The following DPY30 variants were observed in gnomAD, a reference collection of about 807,000 sequenced individuals.
DPY30 encodes the protein dpy-30 histone methyltransferase complex regulatory subunit, also known as protein dpy-30 homolog.
DPY30 carries 6 observed loss-of-function variants against 16.2 expected under a neutral mutation model. That is an observed-to-expected ratio of 0.37 (90% CI 0.20 to 0.73). The LOEUF (loss-of-function observed/expected upper bound fraction) is 0.73, where lower values mean the gene tolerates loss of function less well. DPY30 is among the 30% of genes least tolerant of loss of function. The pLI, the probability that DPY30 is intolerant of heterozygous loss-of-function variation, is 0.51. For synonymous variants in DPY30, 39 were observed against 38.8 expected, an observed-to-expected ratio of 1.00 and a Z score of -0.02; for missense variants, 73 against 113.1, an observed-to-expected ratio of 0.65 and a Z score of 1.61.
intron 4 of DPY30, 98 bp from the exon 5 acceptor site, chr2:32,024,354 A>G (rs1455620580): frequency 1.0e-5 from 9 of 890,822 alleles, no homozygotes; most frequent in Non-Finnish European, 1.5e-5. Context: ...TTTTAAGTTT[A>G]ATTTTCATTT....
downstream of DPY30, among the ~76,000 whole-genome samples, chr2:32,021,895 G>C (rs1355498025): frequency 6.6e-6 from 1 of 152,030 alleles, no homozygotes; most frequent in Non-Finnish European, 1.5e-5. Context: ...ACCACTGCTA[G>C]AAGATTATTG....
chr2:32,016,597 AGGTAGAT>A (rs1172792723), intron 5 of DPY30, among the ~76,000 whole-genome samples: 1 of 152,292 alleles, frequency 6.6e-6, no homozygotes, highest in African/African-American at 2.4e-5. Flanking sequence ...CATCAGAACT[AGGTAGAT>A]TGATCTCCTT....
At chr2:32,012,565 G>C (rs1190622653) in intron 5 of DPY30, among the ~76,000 whole-genome samples, 2 of 151,260 alleles carry the variant, frequency 1.3e-5, no homozygotes, top group African/African-American at 4.9e-5. Flanking sequence ...AGAGTAGCTG[G>C]GATCATGGGT....
chr2:32,038,410 G>GC (rs1675833308), intron 3 of DPY30, among the ~76,000 whole-genome samples: 1 of 26,216 alleles, frequency 3.8e-5, no homozygotes, highest in Admixed American at 3.5e-4. Context: ...CTTATTTTGA[G>GC]GGGGGGGGGG....
intron 3 of DPY30, among the ~76,000 whole-genome samples, chr2:32,038,772 C>T (rs528492330): frequency 6.6e-6 from 1 of 151,794 alleles, no homozygotes; most frequent in South Asian, 2.1e-4. Context: ...CTCAGCCACC[C>T]GAACAGATAG....
intron 4 of DPY30, among the ~76,000 whole-genome samples, chr2:32,025,876 G>C (rs1163648514): frequency 1.3e-5 from 2 of 151,714 alleles, no homozygotes; most frequent in Non-Finnish European, 2.9e-5. Flanking sequence ...GGGAGGCCAA[G>C]GCAGGCAGAT....
chr2:32,030,053 G>C (rs1334994847), intron 3 of DPY30, among the ~76,000 whole-genome samples: 2 of 142,622 alleles, frequency 1.4e-5, no homozygotes, highest in Non-Finnish European at 3.0e-5. Flanking sequence ...TATCTTCTTA[G>C]AGTGTGTTCC....
intron 5 of DPY30, among the ~76,000 whole-genome samples, chr2:32,017,053 T>C (rs1675079465): frequency 6.6e-6 from 1 of 151,946 alleles, no homozygotes. Flanking sequence ...CGGCTAATTT[T>C]TGTATTTTTC....
intron 4 of DPY30, among the ~76,000 whole-genome samples, chr2:32,025,768 G>GAA (rs74507410): frequency 1.1e-4 from 7 of 61,554 alleles, no homozygotes; most frequent in Admixed American, 3.8e-4. Flanking sequence ...GTCTTGGAAA[G>GAA]AAAAAAAAAA....
rs183118697 is a variant in DPY30, at chr2:32,038,879, C to T, written c.84+400G>A. Among the ~76,000 whole-genome samples the T allele has an allele frequency of 5.1e-3, 769 of 152,252 alleles. 4 individuals are homozygous for T. The highest frequency in any genetic ancestry group is 0.017 in the African/African-American group (708 of 41,568). On this transcript the variant is annotated intron_variant, in intron 3 of 4. Transcript: ENST00000342166. ...GTCAGGCTGGTCTGGAACTCCTGAC[C>T]TCAGGTGGTCCGCCAGCCTTGGCCT...
intron 5 of DPY30, among the ~76,000 whole-genome samples, chr2:32,014,881 A>G (rs1292838393): frequency 1.3e-5 from 2 of 152,192 alleles, no homozygotes; most frequent in Non-Finnish European, 2.9e-5. Flanking sequence ...TACAGAATGT[A>G]TAAAGTATGC....
intron 3 of DPY30, 81 bp downstream of exon 3, chr2:32,039,198 C>A: frequency 6.4e-7 from 1 of 1,562,908 alleles, no homozygotes; most frequent in Non-Finnish European, 8.8e-7. Flanking sequence ...TTGTGCATAG[C>A]CACCTAGTAA....
chr2:32,015,407 C>T (rs1572985244), intron 5 of DPY30, among the ~76,000 whole-genome samples: 1 of 152,036 alleles, frequency 6.6e-6, no homozygotes, highest in African/African-American at 2.4e-5. Context: ...TGTATCTGAA[C>T]ACTAGACTAA....
chr2:32,024,675 T>C (rs1675266831), intron 4 of DPY30, among the ~76,000 whole-genome samples: 1 of 152,214 alleles, frequency 6.6e-6, no homozygotes, highest in Non-Finnish European at 1.5e-5. Context: ...ATGATATGTG[T>C]AATATTCTGT....
At chr2:32,033,715 A>G (rs1448086486) in intron 3 of DPY30, among the ~76,000 whole-genome samples, 2 of 152,144 alleles carry the variant, frequency 1.3e-5, no homozygotes, top group African/African-American at 4.8e-5. Context: ...AACTCCTATA[A>G]CTCCTGTAAT....
chr2:32,036,240 C>T (rs764346584), intron 3 of DPY30, among the ~76,000 whole-genome samples: 148 of 151,876 alleles, frequency 9.7e-4, no homozygotes, highest in Non-Finnish European at 1.8e-3. Context: ...GGCCTCCCAA[C>T]GGGCTGGGAT....
rs537815154 is a variant in DPY30, at chr2:32,015,618, C to A, written n.378-3566G>T. ...ATCCCAAAATTTGGGGAGGCCAAGG[C>A]AGGAGGATCAGTTCAAGAGGTGAAG... On this transcript the variant is annotated intron_variant and non_coding_transcript_variant, in intron 5 of 5. Coordinates refer to the DPY30 transcript ENST00000414013. Among the ~76,000 whole-genome samples the A allele has an allele frequency of 1.3e-5, 2 of 152,036 alleles. 1 individual carries two copies. Among genetic ancestry groups the A allele is most frequent in the South Asian group, 4.2e-4 (2 of 4,818 alleles).
intron 5 of DPY30, among the ~76,000 whole-genome samples, chr2:32,017,311 G>C (rs1675084258): frequency 6.6e-6 from 1 of 151,958 alleles, no homozygotes; most frequent in African/African-American, 2.4e-5. Flanking sequence ...AAAGCTACTG[G>C]GCTCCACTCT....
intron 3 of DPY30, among the ~76,000 whole-genome samples, chr2:32,034,834 A>G (rs538446005): frequency 6.6e-6 from 1 of 152,138 alleles, no homozygotes; most frequent in Admixed American, 6.6e-5. Context: ...CCCCGTCTCT[A>G]CTAAAAATAC....
Sources: allele counts gnomAD v4.1 joint callset (sites outside exome capture counted in the v4.1 genomes callset), GRCh38; gene constraint gnomAD v4.1.1; transcripts MANE v1.5; gene names NCBI Gene and HGNC (gene_info 2026-07-23, HGNC 2026-07-21).